The following IP6K2 variants were observed in gnomAD, a reference collection of about 807,000 sequenced individuals.
The protein encoded by IP6K2 is inositol hexakisphosphate kinase 2.
IP6K2 carries 9 observed loss-of-function variants against 43.3 expected under a neutral mutation model. The observed-to-expected ratio is 0.21, with a 90% CI of 0.13 to 0.36. IP6K2 has a LOEUF of 0.36. IP6K2 is among the 10% of genes least tolerant of loss of function. The pLI is 1.00. For synonymous variants in IP6K2, 209 were observed against 202.4 expected (o/e 1.03, Z -0.28); for missense variants, 332 against 538.4 (o/e 0.62, Z 3.79).
At chr3:48,708,419 T>A (rs1223693009) in intron 1 of IP6K2, among the ~76,000 whole-genome samples, 1 of 152,016 alleles carries the variant, frequency 6.6e-6, no homozygotes, top group Non-Finnish European at 1.5e-5. Context: ...TATTTTGAGA[T>A]GGGGGCTCAC....
intron 1 of IP6K2, among the ~76,000 whole-genome samples, chr3:48,697,036 TTG>T (rs950333882): frequency 1.7e-4 from 26 of 149,972 alleles, no homozygotes; most frequent in East Asian, 1.9e-4. Flanking sequence ...TTTTTTTTTT[TTG>T]GAGATGGAGT....
chr3:48,713,833 C>T (rs1367081553), intron 1 of IP6K2, among the ~76,000 whole-genome samples: 1 of 150,422 alleles, frequency 6.6e-6, no homozygotes, highest in Non-Finnish European at 1.5e-5. Flanking sequence ...AGAAAAAGGC[C>T]AGGTGCGGTG....
At chr3:48,710,093 G>A (rs1017229197) in intron 1 of IP6K2, among the ~76,000 whole-genome samples, 1 of 152,122 alleles carries the variant, frequency 6.6e-6, no homozygotes, top group Non-Finnish European at 1.5e-5. Flanking sequence ...AATCAAGATC[G>A]CACGCATTTG....
At chr3:48,693,311 T>C (rs1312959028) in intron 2 of IP6K2, 132 bp from the exon 3 acceptor site, 2 of 1,095,738 alleles carry the variant, frequency 1.8e-6, no homozygotes, top group Non-Finnish European at 2.8e-6. Context: ...CCCAAACTCA[T>C]CTGCAAACTT....
rs1238498436 is a variant in IP6K2, at chr3:48,688,563, G to A, written c.991C>T (p.Leu331=). ...QESYRFYSSS[L]LVIYDGKERP... is the part of the protein sequence containing the mutation. The stretch of plus-strand genomic sequence containing the variant: ...TCCTTGCCATCATAAATGACCAGCA[G>A]GGAGCTTGAGTAGAAGCGGTAGGAC... Residue 331 remains leucine (L), a synonymous_variant, in exon 6 of 6, where the codon CTG becomes TTG. Transcript: ENST00000328631. This position sits in a 1 kb window ranked among gnomAD's most constrained non-coding sequence, Gnocchi z 5.1. 2 of 1,614,232 alleles carry A rather than the reference G, an allele frequency of 1.2e-6. No homozygotes were observed. The highest frequency in any genetic ancestry group is 1.7e-6 in the Non-Finnish European group (2 of 1,180,048).
chr3:48,694,790 G>A (rs11557629), intron 2 of IP6K2: 186,340 of 1,535,670 alleles, frequency 0.12, 12,398 homozygotes, highest in African/African-American at 0.26. Flanking sequence ...CGTCCCCCCA[G>A]TGGGGGACTA....
In IP6K2 at chr3:48,688,158, A is replaced by C. The variant is rs965107231; in HGVS notation, c.*115T>G. The stretch of plus-strand genomic sequence containing the variant: ...GGCTGGGGCTCACAGAGGCCACTGC[A>C]CATCAGCTCCAGGCTGCAGGAGCCA... On this transcript the variant is annotated 3_prime_UTR_variant, in exon 6 of 6. Coordinates refer to ENST00000328631, the MANE Select transcript of IP6K2 (RefSeq NM_016291.4). This position sits in a 1 kb window ranked among gnomAD's most constrained non-coding sequence, Gnocchi z 5.1. 1.5e-5 allele frequency: 17 copies of C among 1,156,000 alleles called. No homozygotes were observed. The highest frequency in any genetic ancestry group is 2.0e-5 in the Non-Finnish European group (16 of 793,484). 71.6% of individuals were successfully genotyped at this position (1,156,000 alleles called of 1,614,324 possible). A position where few individuals can be genotyped will look rare whatever the true frequency, so the allele number is the denominator to read the frequency against.
intron 1 of IP6K2, among the ~76,000 whole-genome samples, chr3:48,698,924 G>A (rs2078713940): frequency 6.6e-6 from 1 of 151,922 alleles, no homozygotes; most frequent in African/African-American, 2.4e-5. Flanking sequence ...GGGTGACAGA[G>A]TAAGACCCTG....
chr3:48,696,517 C>T (rs982653866), intron 1 of IP6K2, among the ~76,000 whole-genome samples: 16 of 152,288 alleles, frequency 1.1e-4, no homozygotes, highest in East Asian at 9.6e-4. Context: ...AATCAGAGCT[C>T]GCATCCACTC....
chr3:48,708,361 G>C (rs972595403), intron 1 of IP6K2: 2 of 152,106 alleles, frequency 1.3e-5, no homozygotes, highest in Non-Finnish European at 2.9e-5. Flanking sequence ...CTAAAACAAT[G>C]ATTGATTCTA....
chr3:48,713,343 G>T (rs538381104), intron 1 of IP6K2, among the ~76,000 whole-genome samples: 1 of 152,308 alleles, frequency 6.6e-6, no homozygotes, highest in Non-Finnish European at 1.5e-5. Flanking sequence ...TAACAGGTGG[G>T]CTCTTCTAAC....
chr3:48,688,834 CG>C lies in IP6K2; in HGVS notation c.781-62del. On this transcript the variant is annotated intron_variant, in intron 5 of 5. Transcript: ENST00000328631. This position sits in a 1 kb window ranked among gnomAD's most constrained non-coding sequence, Gnocchi z 5.1. ...GCCATCTCAAACCCTGGACCCCGGGCGGGGGTGGGGTGGTGTGGTGGTGGCG... is the reference window on the plus strand; with the variant it reads ...GCCATCTCAAACCCTGGACCCCGGGCGGGGTGGGGTGGTGTGGTGGTGGCG... 1.3e-6 allele frequency: 2 copies of C among 1,534,660 alleles called. No individual in the cohort carries two copies.
At chr3:48,715,123 A>G (rs2081047391) in intron 1 of IP6K2, among the ~76,000 whole-genome samples, 1 of 152,218 alleles carries the variant, frequency 6.6e-6, no homozygotes, top group Admixed American at 6.5e-5. Flanking sequence ...AGGCAAAAAC[A>G]TAATTTAAAA....
At chr3:48,694,064 G>A in intron 2 of IP6K2, 1 of 1,457,402 alleles carries the variant, frequency 6.9e-7, no homozygotes, top group Non-Finnish European at 9.0e-7. Flanking sequence ...GTCCTCGACT[G>A]CTGCAGGGGA....
chr3:48,712,207 A>T (rs922012028), intron 1 of IP6K2, among the ~76,000 whole-genome samples: 2 of 150,832 alleles, frequency 1.3e-5, no homozygotes, highest in South Asian at 4.2e-4. Flanking sequence ...CAGCCTGGGT[A>T]AAAAAAAGCG....
intron 1 of IP6K2, among the ~76,000 whole-genome samples, chr3:48,698,702 AC>A (rs1220783409): frequency 6.6e-6 from 1 of 152,116 alleles, no homozygotes; most frequent in Non-Finnish European, 1.5e-5. Flanking sequence ...CGAAATCCTG[AC>A]CTTAATTGAT....
At chr3:48,711,535 A>G (rs2080513415) in intron 1 of IP6K2, 1 of 152,210 alleles carries the variant, frequency 6.6e-6, no homozygotes, top group South Asian at 2.1e-4. Context: ...GCCCTTCAGT[A>G]GTGGGTTTGT....
rs1684062041 is a variant in IP6K2 at position 48,713,095 on chromosome 3, T to C, written c.-131+4062A>G. Among the ~76,000 whole-genome samples the C allele has an allele frequency of 5.3e-5, 8 of 152,324 alleles. 1 individual carries two copies. In the South Asian group the frequency reaches 1.7e-3, roughly 32 times the overall value. ...ATCTGAATGGGCAGGTGAGTAGTTA[T>C]ACCAAAAAGCCATATCCAATGTTAG... On this transcript the variant is annotated intron_variant, in intron 1 of 5. Transcript: ENST00000328631.
intron 1 of IP6K2, among the ~76,000 whole-genome samples, chr3:48,705,369 A>C (rs1417179026): frequency 1.3e-5 from 2 of 151,904 alleles, no homozygotes; most frequent in Non-Finnish European, 2.9e-5. Flanking sequence ...ACTTTTGATA[A>C]ACTTTTAAGT....
Sources: allele counts gnomAD v4.1 joint callset (sites outside exome capture counted in the v4.1 genomes callset), GRCh38; gene constraint gnomAD v4.1.1; non-coding constraint Gnocchi (gnomAD v3.1); transcripts MANE v1.5; gene names NCBI Gene and HGNC (gene_info 2026-07-23, HGNC 2026-07-21).